Variants in EPHA3 observed in about 807,000 individuals in gnomAD.
The protein encoded by EPHA3 is ephrin type-A receptor 3.
A neutral mutation model predicts 107.1 loss-of-function variants in EPHA3; 42 were observed. The observed-to-expected ratio is 0.39, with a 90% CI of 0.31 to 0.51. EPHA3 has a LOEUF of 0.51. Ranked by LOEUF, EPHA3 falls within the 20% of genes least tolerant of loss-of-function variation. EPHA3 has a pLI of 0.78. For synonymous variants in EPHA3, 461 were observed against 424.8 expected (o/e 1.09, Z -1.05); for missense variants, 1,183 against 1,211.2 (o/e 0.98, Z 0.35).
At chr3:89,207,886 G>C (rs1193003361) in intron 2 of EPHA3, among the ~76,000 whole-genome samples, 1 of 152,076 alleles carries the variant, frequency 6.6e-6, no homozygotes, top group East Asian at 1.9e-4. Context: ...TGAATATGAA[G>C]AGACCTGCCT....
intron 3 of EPHA3, among the ~76,000 whole-genome samples, chr3:89,313,404 C>T (rs990029699): frequency 1.3e-5 from 2 of 151,818 alleles, no homozygotes; most frequent in Non-Finnish European, 2.9e-5. Context: ...AATGATGTTT[C>T]GTTCTTCTGT....
intron 5 of EPHA3, among the ~76,000 whole-genome samples, chr3:89,373,461 A>C (rs1480830301): frequency 1.3e-5 from 2 of 151,912 alleles, no homozygotes; most frequent in African/African-American, 4.8e-5. Flanking sequence ...ACCCTGGTGT[A>C]ATAATTGTGA....
intron 2 of EPHA3, among the ~76,000 whole-genome samples, chr3:89,156,682 T>G (rs1388086728): frequency 2.0e-5 from 3 of 152,062 alleles, no homozygotes; most frequent in Non-Finnish European, 4.4e-5. Context: ...AGAATGATAT[T>G]AGTTAGCAAA....
intron 2 of EPHA3, among the ~76,000 whole-genome samples, chr3:89,195,543 C>A (rs998364928): frequency 6.6e-6 from 1 of 152,126 alleles, no homozygotes; most frequent in Non-Finnish European, 1.5e-5. Context: ...TAGCTTAAAA[C>A]CTCAGAGTCA....
At chr3:89,443,962 T>G (rs1480792391) in intron 13 of EPHA3, among the ~76,000 whole-genome samples, 1 of 152,168 alleles carries the variant, frequency 6.6e-6, no homozygotes, top group Non-Finnish European at 1.5e-5. Flanking sequence ...TTTGGGAAGA[T>G]AGCATGCTCA....
chr3:89,410,204 GA>G (rs1206565402), intron 9 of EPHA3, among the ~76,000 whole-genome samples: 2 of 151,894 alleles, frequency 1.3e-5, no homozygotes, highest in Admixed American at 6.6e-5. Flanking sequence ...GGATGGAAAA[GA>G]AATTCACCTT....
At chr3:89,255,513 G>A (rs1026891984) in intron 3 of EPHA3, among the ~76,000 whole-genome samples, 1 of 152,202 alleles carries the variant, frequency 6.6e-6, no homozygotes, top group African/African-American at 2.4e-5. Flanking sequence ...GACAACATCA[G>A]TAGTTATGAC....
chr3:89,466,676 G>A (rs1294530077), intron 15 of EPHA3, among the ~76,000 whole-genome samples: 2 of 131,202 alleles, frequency 1.5e-5, no homozygotes, highest in South Asian at 2.3e-4. Flanking sequence ...GCAATGCCTC[G>A]CCCTGCTTCG....
At chr3:89,121,111 C>T (rs1707371882) in intron 1 of EPHA3, among the ~76,000 whole-genome samples, 1 of 152,086 alleles carries the variant, frequency 6.6e-6, no homozygotes, top group Non-Finnish European at 1.5e-5. Flanking sequence ...TGGCAGGTGC[C>T]TCTAGTCCCA....
At chr3:89,343,607 G>C (rs770748475) in intron 5 of EPHA3, among the ~76,000 whole-genome samples, 2 of 152,212 alleles carry the variant, frequency 1.3e-5, no homozygotes, top group African/African-American at 4.8e-5. Flanking sequence ...AGCCATGGCA[G>C]AGTCCATCCA....
intron 6 of EPHA3, among the ~76,000 whole-genome samples, chr3:89,398,265 T>A (rs1367911565): frequency 6.6e-6 from 1 of 152,196 alleles, no homozygotes; most frequent in African/African-American, 2.4e-5. Flanking sequence ...ATTGTACCAT[T>A]GCTTGAAATC....
At chr3:89,393,396 A>G (rs1708783157) in intron 5 of EPHA3, among the ~76,000 whole-genome samples, 1 of 152,214 alleles carries the variant, frequency 6.6e-6, no homozygotes, top group Non-Finnish European at 1.5e-5. Context: ...CTTTCATGAA[A>G]AAGTTAATAC....
intron 3 of EPHA3, among the ~76,000 whole-genome samples, chr3:89,284,581 T>C (rs1186427148): frequency 1.3e-5 from 2 of 152,204 alleles, no homozygotes; most frequent in African/African-American, 2.4e-5. Context: ...AATGATTATT[T>C]AGAATAAAAT....
At chr3:89,367,258 G>A (rs1023096011) in intron 5 of EPHA3, among the ~76,000 whole-genome samples, 7 of 150,474 alleles carry the variant, frequency 4.7e-5, no homozygotes, top group African/African-American at 1.7e-4. Context: ...TTATATACAC[G>A]TATGGAAATT....
chr3:89,289,261 A>G (rs1370912494), intron 3 of EPHA3, among the ~76,000 whole-genome samples: 1 of 152,130 alleles, frequency 6.6e-6, no homozygotes, highest in Non-Finnish European at 1.5e-5. Flanking sequence ...GCTAGCAGAG[A>G]GAAGCTGAGG....
At chr3:89,447,459 T>C (rs1709896412) in intron 13 of EPHA3, among the ~76,000 whole-genome samples, 1 of 152,160 alleles carries the variant, frequency 6.6e-6, no homozygotes. Flanking sequence ...AACAGCTCAT[T>C]TGTGCCAAAA....
chr3:89,379,895 A>T (rs1215062521), intron 5 of EPHA3, among the ~76,000 whole-genome samples: 1 of 152,120 alleles, frequency 6.6e-6, no homozygotes, highest in African/African-American at 2.4e-5. Flanking sequence ...TGACTTCATA[A>T]GTTTTCTGTT....
intron 3 of EPHA3, among the ~76,000 whole-genome samples, chr3:89,312,416 T>C (rs1183049257): frequency 6.6e-6 from 1 of 151,638 alleles, no homozygotes; most frequent in African/African-American, 2.4e-5. Context: ...ACAGTCATGG[T>C]TTATGAAATA....
At chr3:89,193,310 G>A (rs1705761797) in intron 2 of EPHA3, among the ~76,000 whole-genome samples, 1 of 152,000 alleles carries the variant, frequency 6.6e-6, no homozygotes, top group Non-Finnish European at 1.5e-5. Context: ...GCTCTGATAA[G>A]CTACAAGTTT....
Sources: gnomAD v4.1 joint callset for allele counts (sites outside exome capture counted in the v4.1 genomes callset) on GRCh38, gnomAD v4.1.1 for gene constraint, MANE v1.5 for transcripts, NCBI Gene and HGNC (gene_info 2026-07-23, HGNC 2026-07-21) for gene names.